DGKB: variants seen among roughly 807,000 people sequenced by gnomAD.
The protein encoded by DGKB is 90 kDa diacylglycerol kinase.
Under a neutral mutation model 114.3 loss-of-function variants are expected in DGKB, and 67 were observed. That is an observed-to-expected ratio of 0.59 (90% confidence interval 0.48 to 0.72). The LOEUF is 0.72. Ranked by LOEUF, DGKB falls within the 30% of genes least tolerant of loss-of-function variation. The pLI, the probability that DGKB is intolerant of heterozygous loss-of-function variation, is 0.00. For synonymous variants in DGKB, 398 were observed against 323.1 expected (o/e 1.23, Z -2.49); for missense variants, 907 against 975.2 (o/e 0.93, Z 0.93).
At position 14,471,506 on chromosome 7, in the gene DGKB, T is replaced by C. The variant is rs936478865; in HGVS notation, c.1835+6655A>G. On this transcript the variant is annotated intron_variant, in intron 21 of 25. Transcript: ENST00000402815. ...TTGAAAATTGTATACTGCTGACATA[T>C]AAATTGATAAGAAGAAGCACAAACT... Among the ~76,000 whole-genome samples the C allele has an allele frequency of 3.3e-5, 5 of 149,836 alleles. No homozygotes were observed. In the South Asian group the frequency reaches 6.3e-4, roughly 19 times the overall value.
At chr7:14,452,405 A>G (rs766142123) in intron 21 of DGKB, among the ~76,000 whole-genome samples, 7 of 152,064 alleles carry the variant, frequency 4.6e-5, no homozygotes, top group Non-Finnish European at 5.9e-5. Context: ...TTTGCAATTG[A>G]GAAAAATACC....
intron 13 of DGKB, among the ~76,000 whole-genome samples, chr7:14,656,087 T>A (rs1042753991): frequency 6.6e-6 from 1 of 151,784 alleles, no homozygotes; most frequent in African/African-American, 2.4e-5. Flanking sequence ...TACTAATTAC[T>A]CTGATTTAAT....
intron 20 of DGKB, among the ~76,000 whole-genome samples, chr7:14,484,627 T>G (rs1783496683): frequency 6.6e-6 from 1 of 152,174 alleles, no homozygotes; most frequent in Non-Finnish European, 1.5e-5. Context: ...TGCTGTACAG[T>G]CTGCAGAACC....
At chr7:14,291,138 G>A (rs921364333) in intron 23 of DGKB, among the ~76,000 whole-genome samples, 7 of 49,282 alleles carry the variant, frequency 1.4e-4, no homozygotes, top group African/African-American at 6.8e-4. Context: ...GCAAAACTCC[G>A]TCTCAAAAAA....
chr7:14,494,987 G>T (rs149835964), intron 20 of DGKB, among the ~76,000 whole-genome samples: 33 of 151,880 alleles, frequency 2.2e-4, no homozygotes, highest in African/African-American at 8.0e-4. Context: ...AAAGACAAAG[G>T]TTTAATAGGC....
intron 20 of DGKB, among the ~76,000 whole-genome samples, chr7:14,481,984 T>C (rs1261139260): frequency 2.6e-5 from 4 of 152,008 alleles, no homozygotes; most frequent in Non-Finnish European, 5.9e-5. Flanking sequence ...TCATTCATAT[T>C]TCTTCTTATG....
At chr7:14,940,771 CTTTA>C (rs150939238) in intron 1 of DGKB, among the ~76,000 whole-genome samples, 15,001 of 151,724 alleles carry the variant, frequency 0.099, 1,001 homozygotes, top group Middle Eastern at 0.16. Context: ...TTTATTCTTC[CTTTA>C]TTTATTTATT....
At chr7:14,653,979 C>T (rs1164372614) in intron 13 of DGKB, among the ~76,000 whole-genome samples, 3 of 152,014 alleles carry the variant, frequency 2.0e-5, no homozygotes, top group Admixed American at 6.6e-5. Flanking sequence ...TGGAATAGGA[C>T]AAGTATGCCT....
chr7:14,600,366 T>C (rs966692234), intron 17 of DGKB, among the ~76,000 whole-genome samples: 1 of 152,186 alleles, frequency 6.6e-6, no homozygotes, highest in Non-Finnish European at 1.5e-5. Context: ...ATTCAAACCA[T>C]AGCATTCTGC....
chr7:14,637,756 T>C (rs975930246), intron 13 of DGKB, among the ~76,000 whole-genome samples: 2 of 151,944 alleles, frequency 1.3e-5, no homozygotes, highest in South Asian at 2.1e-4. Flanking sequence ...CAAATGAAGA[T>C]TGTCTCACAA....
chr7:14,187,042 G>A (rs1480857116), intron 23 of DGKB, among the ~76,000 whole-genome samples: 2 of 151,732 alleles, frequency 1.3e-5, no homozygotes, highest in Non-Finnish European at 2.9e-5. Context: ...ATAAATAAAT[G>A]TTATCAGTGA....
At chr7:14,311,057 G>A (rs572118530) in intron 23 of DGKB, among the ~76,000 whole-genome samples, 2 of 152,304 alleles carry the variant, frequency 1.3e-5, no homozygotes, top group African/African-American at 2.4e-5. Flanking sequence ...AAGCCCAGGA[G>A]GTTGAGGCTA....
At chr7:14,303,866 C>T (rs1013835284) in intron 23 of DGKB, among the ~76,000 whole-genome samples, 3 of 151,976 alleles carry the variant, frequency 2.0e-5, no homozygotes, top group Non-Finnish European at 2.9e-5. Context: ...TTTATCGCCA[C>T]CATGAAAATT....
At chr7:14,802,267 T>G (rs1472016878) in intron 2 of DGKB, among the ~76,000 whole-genome samples, 2 of 152,188 alleles carry the variant, frequency 1.3e-5, no homozygotes, top group South Asian at 4.1e-4. Flanking sequence ...AAGTAGTAGT[T>G]ATGTCTATAA....
rs73682406 is a variant in DGKB at position 14,505,584 on chromosome 7, C to T, written c.1771-27359G>A. On this transcript the variant is annotated intron_variant, in intron 20 of 25. Coordinates refer to ENST00000402815, the MANE Select transcript of DGKB (RefSeq NM_001350709.2). The stretch of plus-strand genomic sequence containing the variant: ...TTTTGAAAACACTGGATCCATGCTA[C>T]CCATGTTTTGCCTCCAAAGACCAAT... 5.5e-3 allele frequency among the ~76,000 whole-genome samples: 845 copies of T among 152,324 alleles called. 5 individuals carry two copies. Among genetic ancestry groups the T allele is most frequent in the African/African-American group, 0.019 (793 of 41,580 alleles).
At chr7:14,149,358 C>A in intron 25 of DGKB, 120 bp from the exon 26 acceptor site, 1 of 652,344 alleles carries the variant, frequency 1.5e-6, no homozygotes, top group Non-Finnish European at 2.5e-6. Flanking sequence ...TGAAACACCG[C>A]AAGTGTAAAA....
chr7:14,191,921 A>T, intron 23 of DGKB: 1 of 636,328 alleles, frequency 1.6e-6, no homozygotes, highest in Admixed American at 2.2e-5. Context: ...GTCTGGTAAA[A>T]AGCTGGAAGA....
At chr7:14,664,799 A>G (rs998155126) in intron 13 of DGKB, among the ~76,000 whole-genome samples, 3 of 151,904 alleles carry the variant, frequency 2.0e-5, no homozygotes, top group Non-Finnish European at 2.9e-5. Flanking sequence ...TGCTTCATCT[A>G]ATTTACTCTG....
chr7:14,427,551 G>A lies in DGKB; in HGVS notation c.1835+50610C>T, dbSNP rs1005590434. On this transcript the variant is annotated intron_variant, in intron 21 of 25. Coordinates refer to ENST00000402815, the MANE Select transcript of DGKB (RefSeq NM_001350709.2). ...ATTTACTGTATTAGTCCATTTTCAC[G>A]CTGCTGATAGAGACATATCTGAGAC... 1.3e-4 allele frequency among the ~76,000 whole-genome samples: 19 copies of A among 151,988 alleles called. No homozygotes were observed. In the East Asian group the frequency reaches 1.4e-3, roughly 11 times the overall value.
Sources: gnomAD v4.1 joint callset for allele counts (sites outside exome capture counted in the v4.1 genomes callset) on GRCh38, gnomAD v4.1.1 for gene constraint, MANE v1.5 for transcripts, NCBI Gene and HGNC (gene_info 2026-07-23, HGNC 2026-07-21) for gene names.